Variants in PPP1R1C observed in about 807,000 individuals in gnomAD.
The protein encoded by PPP1R1C is protein phosphatase 1 regulatory inhibitor subunit 1C.
In PPP1R1C, 15 loss-of-function variants were observed where a neutral mutation model predicts 17.4. The observed-to-expected ratio is 0.86, with a 90% CI of 0.58 to 1.33. The LOEUF is 1.33. Ranked by LOEUF, PPP1R1C falls within the 40% of genes most tolerant of loss-of-function variation. The pLI, the probability that PPP1R1C is intolerant of heterozygous loss-of-function variation, is 0.00. For synonymous variants in PPP1R1C, 35 were observed against 43.1 expected (o/e 0.81, Z 0.73); for missense variants, 143 against 130.0 (o/e 1.10, Z -0.48).
At chr2:182,076,554 A>G (rs758520002) in intron 4 of PPP1R1C, among the ~76,000 whole-genome samples, 1 of 151,232 alleles carries the variant, frequency 6.6e-6, no homozygotes. Context: ...GATTTCATAC[A>G]CTGCACTCAT....
chr2:181,987,182 C>G (rs903933700), intron 1 of PPP1R1C, among the ~76,000 whole-genome samples: 183 of 150,920 alleles, frequency 1.2e-3, no homozygotes, highest in Non-Finnish European at 2.5e-4. Flanking sequence ...GGTATTTACC[C>G]ATAAATGAAT....
At chr2:182,112,488 A>T (rs1689471444) in intron 4 of PPP1R1C, among the ~76,000 whole-genome samples, 1 of 152,146 alleles carries the variant, frequency 6.6e-6, no homozygotes, top group African/African-American at 2.4e-5. Flanking sequence ...GAGTCACCAT[A>T]GTTTTCTCAA....
chr2:182,024,956 T>C (rs900915467), intron 2 of PPP1R1C, among the ~76,000 whole-genome samples: 36 of 150,054 alleles, frequency 2.4e-4, no homozygotes, highest in African/African-American at 7.6e-4. Flanking sequence ...ATTCTTCTTT[T>C]TTTTTTTTTA....
chr2:182,128,123 A>G (rs1689919468), intron 5 of PPP1R1C, among the ~76,000 whole-genome samples: 1 of 152,106 alleles, frequency 6.6e-6, no homozygotes, highest in Non-Finnish European at 1.5e-5. Context: ...CATGCTAAAC[A>G]TTGTTTAAGT....
chr2:182,123,275 C>T (rs1689780245), intron 5 of PPP1R1C, among the ~76,000 whole-genome samples: 1 of 152,180 alleles, frequency 6.6e-6, no homozygotes, highest in South Asian at 2.1e-4. Context: ...GGGTTGGTTC[C>T]AAGTCTTTGC....
At chr2:181,966,561 A>G (rs530368193) in intron 1 of PPP1R1C, among the ~76,000 whole-genome samples, 2 of 152,288 alleles carry the variant, frequency 1.3e-5, no homozygotes, top group South Asian at 4.1e-4. Context: ...ATCAGTTGCA[A>G]TGATCATATG....
At chr2:182,116,745 G>A (rs1689594953) in intron 4 of PPP1R1C, among the ~76,000 whole-genome samples, 1 of 152,148 alleles carries the variant, frequency 6.6e-6, no homozygotes, top group African/African-American at 2.4e-5. Flanking sequence ...GTATGTTTAG[G>A]TTCTGAAAGA....
intron 4 of PPP1R1C, among the ~76,000 whole-genome samples, chr2:182,091,484 A>T (rs1246705834): frequency 4.0e-5 from 5 of 125,110 alleles, no homozygotes; most frequent in African/African-American, 8.6e-5. Flanking sequence ...TAAAAAAAAA[A>T]TAATAAAAAA....
intron 2 of PPP1R1C, among the ~76,000 whole-genome samples, chr2:182,055,403 G>C (rs1383010560): frequency 6.6e-6 from 1 of 152,072 alleles, no homozygotes; most frequent in Non-Finnish European, 1.5e-5. Flanking sequence ...CAAAATCTAT[G>C]ATATTTACTC....
At chr2:181,956,394 A>T (rs111906189) in intron 1 of PPP1R1C, among the ~76,000 whole-genome samples, 3,659 of 152,256 alleles carry the variant, frequency 0.024, 141 homozygotes, top group African/African-American at 0.081. Flanking sequence ...AATGATTTAT[A>T]ATCCTTGGGG....
At chr2:182,023,478 C>A (rs898385879) in intron 2 of PPP1R1C, among the ~76,000 whole-genome samples, 5 of 152,008 alleles carry the variant, frequency 3.3e-5, no homozygotes, top group African/African-American at 1.2e-4. Context: ...TCACCCTTGG[C>A]AACTGCCCCA....
intron 2 of PPP1R1C, among the ~76,000 whole-genome samples, chr2:181,998,420 G>T (rs1360660832): frequency 6.6e-6 from 1 of 152,190 alleles, no homozygotes; most frequent in Admixed American, 6.5e-5. Flanking sequence ...GCCCTAGCTT[G>T]TAATTAGTTA....
At chr2:182,034,293 T>C (rs1462274510) in intron 2 of PPP1R1C, among the ~76,000 whole-genome samples, 6 of 152,074 alleles carry the variant, frequency 3.9e-5, no homozygotes, top group African/African-American at 7.2e-5. Flanking sequence ...GATTAAAAGG[T>C]GGCATCAGAG....
At chr2:182,069,656 T>A (rs565853856) in intron 4 of PPP1R1C, among the ~76,000 whole-genome samples, 9 of 152,306 alleles carry the variant, frequency 5.9e-5, no homozygotes, top group Non-Finnish European at 1.2e-4. Flanking sequence ...CACTTAAACA[T>A]TGGAAAAGAA....
chr2:182,065,909 TGTTATTTA>T (rs1353194408), intron 4 of PPP1R1C, among the ~76,000 whole-genome samples: 1 of 152,140 alleles, frequency 6.6e-6, no homozygotes, highest in Non-Finnish European at 1.5e-5. Flanking sequence ...CAGTTATACC[TGTTATTTA>T]GTTATTTTGC....
intron 1 of PPP1R1C, among the ~76,000 whole-genome samples, chr2:181,970,246 T>C (rs1684982385): frequency 1.3e-5 from 2 of 152,220 alleles, no homozygotes; most frequent in Middle Eastern, 3.4e-3. Flanking sequence ...GTCTTTGCAG[T>C]CTGTGCTTAT....
rs1214176052 is a variant in PPP1R1C at position 181,992,586 on chromosome 2, G to T, written c.142+4687G>T. ...CCTACTAAACATGAGTGAGCTGTAT[G>T]AGGCCTGGAGATAAGTGCAGATTTG... On this transcript the variant is annotated intron_variant, in intron 2 of 4. Coordinates refer to ENST00000682840, the MANE Select transcript of PPP1R1C (RefSeq NM_001080545.3). Among the ~76,000 whole-genome samples the T allele has an allele frequency of 1.5e-5, 2 of 134,718 alleles. 1 individual carries two copies. The highest frequency in any genetic ancestry group is 3.3e-5 in the Non-Finnish European group (2 of 60,104). The allele number at this position is 134,718 out of a possible 152,430, so 88.4% of individuals were successfully genotyped here. A position where few individuals can be genotyped will look rare whatever the true frequency, so the allele number is the denominator to read the frequency against.
At chr2:181,996,302 TC>T (rs1304360343) in intron 2 of PPP1R1C, among the ~76,000 whole-genome samples, 1 of 151,938 alleles carries the variant, frequency 6.6e-6, no homozygotes, top group African/African-American at 2.4e-5. Flanking sequence ...GAAAGGCATG[TC>T]CTAAACAAAT....
chr2:182,066,872 A>G (rs1687996320), intron 4 of PPP1R1C, among the ~76,000 whole-genome samples: 1 of 151,966 alleles, frequency 6.6e-6, no homozygotes, highest in South Asian at 2.1e-4. Flanking sequence ...GACTGCTTGA[A>G]TCATGTTTTC....
Sources: gnomAD v4.1 joint callset for allele counts (sites outside exome capture counted in the v4.1 genomes callset) on GRCh38, gnomAD v4.1.1 for gene constraint, MANE v1.5 for transcripts, NCBI Gene and HGNC (gene_info 2026-07-23, HGNC 2026-07-21) for gene names.